Variants in GLIS1 observed in about 807,000 individuals in gnomAD.
The protein encoded by GLIS1 is GLIS family zinc finger 1, also known as zinc finger protein GLIS1.
GLIS1 carries 24 observed loss-of-function variants against 63.8 expected under a neutral mutation model. That is an observed-to-expected ratio of 0.38 (90% CI 0.27 to 0.53). The LOEUF (loss-of-function observed/expected upper bound fraction) is 0.53, where lower values mean the gene tolerates loss of function less well. GLIS1 is among the 20% of genes least tolerant of loss of function. The probability of loss-of-function intolerance (pLI) is 0.85; values close to 1 mark genes in which losing one functional copy is unlikely to be tolerated. For missense variants in GLIS1, 1,036 were observed against 1,074.1 expected, an observed-to-expected ratio of 0.96 and a Z score of 0.50; for synonymous variants, 450 against 482.5, an observed-to-expected ratio of 0.93 and a Z score of 0.88.
rs549849831 is a variant in GLIS1, at chr1:53,506,845, C to T, written c.2231-69G>A. The T allele has an allele frequency of 4.8e-6, 7 of 1,458,024 alleles. No individual in the cohort carries two copies. The East Asian group carries it at 9.5e-5, about 20-fold the overall frequency. 90.3% of individuals were successfully genotyped at this position (1,458,024 alleles called of 1,614,324 possible). A position where few individuals can be genotyped will look rare whatever the true frequency, so the allele number is the denominator to read the frequency against. On this transcript the variant is annotated intron_variant, in intron 10 of 10. Transcript: ENST00000628545. Reference sequence around the variant, plus strand: ...CTGTGCCTGCGCATGCTTCCCAGTTCCAGGCCCCACCCCGCCTGCCCAGGG... The same window carrying T: ...CTGTGCCTGCGCATGCTTCCCAGTTTCAGGCCCCACCCCGCCTGCCCAGGG...
intron 4 of GLIS1, among the ~76,000 whole-genome samples, chr1:53,532,281 C>T (rs148600598): frequency 5.4e-4 from 83 of 152,296 alleles, no homozygotes; most frequent in African/African-American, 1.9e-3. Context: ...GTCACCAACG[C>T]CCCATCCAGG....
Position 53,647,696 on chromosome 1 carries a change from G to T in GLIS1, c.260-47418C>A, listed in dbSNP as rs980785914. 5.3e-5 allele frequency among the ~76,000 whole-genome samples: 8 copies of T among 152,208 alleles called. 1 individual carries two copies. The South Asian group carries it at 1.2e-3, about 24-fold the overall frequency. On this transcript the variant is annotated intron_variant, in intron 2 of 10. Coordinates refer to ENST00000628545, the MANE Select transcript of GLIS1 (RefSeq NM_001367484.1). Reference sequence around the variant, plus strand: ...AAATTCACAAAGATTTCTTAAACAGGACTCAGAAGCACTAACCATAAAAGT... The same window carrying T: ...AAATTCACAAAGATTTCTTAAACAGTACTCAGAAGCACTAACCATAAAAGT...
intron 4 of GLIS1, among the ~76,000 whole-genome samples, chr1:53,533,373 A>G (rs988080508): frequency 2.0e-5 from 3 of 152,178 alleles, no homozygotes; most frequent in Admixed American, 6.5e-5. Context: ...CTGGGCATGC[A>G]GTCCACGCAC....
At chr1:53,674,885 C>G (rs1447743914) in intron 2 of GLIS1, among the ~76,000 whole-genome samples, 1 of 152,050 alleles carries the variant, frequency 6.6e-6, no homozygotes, top group Non-Finnish European at 1.5e-5. Flanking sequence ...GTCATTCAGG[C>G]AGTGCGGGAT....
chr1:53,631,919 G>C (rs1053454223), intron 2 of GLIS1, among the ~76,000 whole-genome samples: 4 of 152,046 alleles, frequency 2.6e-5, no homozygotes, highest in African/African-American at 9.7e-5. Context: ...AAGCCATAGA[G>C]CAAGAAAAAA....
intron 5 of GLIS1, 55 bp from the exon 6 acceptor site, chr1:53,524,942 C>T (rs910823245): frequency 2.9e-5 from 38 of 1,330,490 alleles, no homozygotes; most frequent in Middle Eastern, 1.9e-4. Context: ...ACGGGACACG[C>T]GCCTCCGCGT....
intron 2 of GLIS1, among the ~76,000 whole-genome samples, chr1:53,678,954 A>G (rs1646244760): frequency 6.6e-6 from 1 of 152,090 alleles, no homozygotes; most frequent in South Asian, 2.1e-4. Flanking sequence ...CCAGGGAGCA[A>G]ACCTAAAACC....
chr1:53,649,780 T>C (rs1480514534), intron 2 of GLIS1, among the ~76,000 whole-genome samples: 1 of 152,230 alleles, frequency 6.6e-6, no homozygotes, highest in Admixed American at 6.5e-5. Context: ...CAATTTCTTT[T>C]CTCAAGCTTA....
intron 2 of GLIS1, among the ~76,000 whole-genome samples, chr1:53,651,398 A>C (rs1645905640): frequency 6.6e-6 from 1 of 152,226 alleles, no homozygotes. Context: ...ACAAAAACAC[A>C]AGAGTAACCA....
intron 4 of GLIS1, among the ~76,000 whole-genome samples, chr1:53,547,844 G>T (rs533388644): frequency 6.6e-6 from 1 of 152,180 alleles, no homozygotes; most frequent in African/African-American, 2.4e-5. Context: ...TCATAAAGTC[G>T]ATTTCCATTT....
At position 53,525,625 on chromosome 1, in the gene GLIS1, C is replaced by T. The variant is rs537528248; in HGVS notation, c.1483-738G>A. 2.0e-5 allele frequency among the ~76,000 whole-genome samples: 3 copies of T among 151,730 alleles called. No individual in the cohort carries two copies. In the South Asian group the frequency reaches 6.3e-4, roughly 32 times the overall value. ...CTCCTGAATTCCTGCCCAGGCCCCACCCTGCCCTCCAGGCCTCAGGCTCCC... is the reference window on the plus strand; with the variant it reads ...CTCCTGAATTCCTGCCCAGGCCCCATCCTGCCCTCCAGGCCTCAGGCTCCC... On this transcript the variant is annotated intron_variant, in intron 5 of 10. Transcript: ENST00000628545.
At position 53,507,284 on chromosome 1, in the gene GLIS1, C is replaced by T. The variant is rs113300585; in HGVS notation, c.2231-508G>A. 4.7e-3 allele frequency among the ~76,000 whole-genome samples: 711 copies of T among 152,314 alleles called. 7 individuals are homozygous for T. Among genetic ancestry groups the T allele is most frequent in the African/African-American group, 0.017 (690 of 41,560 alleles). ...GCTTCGGCTCCACAATGCTCCCCTGCGGTGGGATTCACTATCCTATTGTAC... is the reference window on the plus strand; with the variant it reads ...GCTTCGGCTCCACAATGCTCCCCTGTGGTGGGATTCACTATCCTATTGTAC... On this transcript the variant is annotated intron_variant, in intron 10 of 10. Coordinates refer to ENST00000628545, the MANE Select transcript of GLIS1 (RefSeq NM_001367484.1).
chr1:53,551,555 TTGCTTAGAGCCCTGG>T (rs1454286316), intron 4 of GLIS1, among the ~76,000 whole-genome samples: 1 of 152,162 alleles, frequency 6.6e-6, no homozygotes, highest in Non-Finnish European at 1.5e-5. Flanking sequence ...GTCAGGTCGG[TTGCTTAGAGCCCTGG>T]GGCTTAGAGT....
At chr1:53,600,722 AG>A (rs1329015048) in intron 2 of GLIS1, among the ~76,000 whole-genome samples, 2 of 152,180 alleles carry the variant, frequency 1.3e-5, no homozygotes, top group Non-Finnish European at 1.5e-5. Flanking sequence ...CACAGGCTGG[AG>A]GGAGCAGTGC....
At chr1:53,515,505 C>A (rs1401367914) in intron 7 of GLIS1, among the ~76,000 whole-genome samples, 2 of 152,044 alleles carry the variant, frequency 1.3e-5, no homozygotes, top group Non-Finnish European at 2.9e-5. Context: ...GAGGAGTCAG[C>A]CTCATTCTAG....
At chr1:53,680,343 T>C (rs1457875805) in intron 2 of GLIS1, among the ~76,000 whole-genome samples, 2 of 152,228 alleles carry the variant, frequency 1.3e-5, no homozygotes, top group African/African-American at 4.8e-5. Context: ...AAACCCCTGC[T>C]TTTTGGCAGG....
chr1:53,573,121 G>C lies in GLIS1; in HGVS notation c.1320+20987C>G, dbSNP rs149989706. On this transcript the variant is annotated intron_variant, in intron 4 of 10. Transcript: ENST00000628545. ...CAAGCTGAATTATGTCTGTGTCCCA[G>C]GGTCCAATGCGAGCCCTGGTATGGA... is the stretch of plus-strand genomic sequence containing the variant. Among the ~76,000 whole-genome samples, 5 of 152,272 alleles carry C rather than the reference G, an allele frequency of 3.3e-5. No individual in the cohort carries two copies. The East Asian group carries it at 9.7e-4, about 29-fold the overall frequency.
intron 2 of GLIS1, among the ~76,000 whole-genome samples, chr1:53,635,547 T>TA (rs368725112): frequency 0.1 from 14,668 of 143,484 alleles, 899 homozygotes; most frequent in South Asian, 0.25. Context: ...CACAAGATGT[T>TA]AAAAAAAAAA....
At chr1:53,562,045 A>T (rs1644897732) in intron 4 of GLIS1, among the ~76,000 whole-genome samples, 1 of 152,170 alleles carries the variant, frequency 6.6e-6, no homozygotes, top group African/African-American at 2.4e-5. Flanking sequence ...TGAAAAGAGG[A>T]CCTGGGGGCA....
Sources: allele counts gnomAD v4.1 joint callset (sites outside exome capture counted in the v4.1 genomes callset), GRCh38; gene constraint gnomAD v4.1.1; transcripts MANE v1.5; gene names NCBI Gene and HGNC (gene_info 2026-07-23, HGNC 2026-07-21).